The following HDGFL3 variants were observed in gnomAD, a reference collection of about 807,000 sequenced individuals.
The protein encoded by HDGFL3 is HDGF like 3, also known as hepatoma-derived growth factor-related protein 3.
In HDGFL3, 6 loss-of-function variants were observed where a neutral mutation model predicts 27.6. The ratio of observed to expected loss-of-function variants is 0.22; its 90% confidence interval spans 0.12 to 0.43. HDGFL3 has a LOEUF of 0.43. Among genes scored for constraint, HDGFL3 ranks in the 20% least tolerant of loss-of-function variants. The pLI, the probability that HDGFL3 is intolerant of heterozygous loss-of-function variation, is 1.00. For synonymous variants in HDGFL3, 88 were observed against 88.9 expected (o/e 0.99, Z 0.05); for missense variants, 207 against 250.1 (o/e 0.83, Z 1.16).
chr15:83,156,503 T>C (rs968598588), intron 4 of HDGFL3, among the ~76,000 whole-genome samples: 6 of 152,136 alleles, frequency 3.9e-5, no homozygotes, highest in Admixed American at 2.6e-4. Context: ...ACTGAATAAA[T>C]AAACAGCCAA....
downstream of HDGFL3, chr15:83,122,770 A>T (rs1441142163): frequency 6.2e-7 from 1 of 1,613,826 alleles, no homozygotes; most frequent in Non-Finnish European, 8.5e-7. Context: ...AGTATGGAAC[A>T]CGAATTTGCC....
intron 2 of HDGFL3, among the ~76,000 whole-genome samples, chr15:83,160,334 A>G (rs921974712): frequency 6.6e-6 from 1 of 151,968 alleles, no homozygotes; most frequent in Non-Finnish European, 1.5e-5. Flanking sequence ...TTATAGGCAC[A>G]TGCCACCATA....
chr15:83,119,078 G>A (rs1282642552), intron 3 of HDGFL3, among the ~76,000 whole-genome samples: 2 of 152,170 alleles, frequency 1.3e-5, no homozygotes, highest in Non-Finnish European at 2.9e-5. Flanking sequence ...GTGAAGCTCC[G>A]AGTTCGGTGC....
chr15:83,136,323 A>G lies in HDGFL3; in HGVS notation c.*2947T>C. 2.1e-6 allele frequency: 1 copy of G among 481,550 alleles called. No homozygotes were observed. Among genetic ancestry groups the G allele is most frequent in the Non-Finnish European group, 3.6e-6 (1 of 275,996 alleles). The allele number at this position is 481,550 out of a possible 1,614,324, so 29.8% of individuals were successfully genotyped here. A position where few individuals can be genotyped will look rare whatever the true frequency, so the allele number is the denominator to read the frequency against. ...GGACTAAATTTAATGAAAGACTCTG[A>G]CATTAAAGACTCTGGATTGTTTGAA... On this transcript the variant is annotated 3_prime_UTR_variant, in exon 6 of 6. Coordinates refer to ENST00000299633, the MANE Select transcript of HDGFL3 (RefSeq NM_016073.4).
At chr15:83,125,465 C>T (rs1185222403), downstream of HDGFL3, among the ~76,000 whole-genome samples, 1 of 152,164 alleles carries the variant, frequency 6.6e-6, no homozygotes, top group Non-Finnish European at 1.5e-5. Context: ...CTGTTTTCCT[C>T]TCTGTAAAAT....
Position 83,135,496 on chromosome 15 carries a change from T to C in HDGFL3, c.*3774A>G, listed in dbSNP as rs1035136558. On this transcript the variant is annotated 3_prime_UTR_variant, in exon 6 of 6. Transcript: ENST00000299633. ...TCCTTTATTCATGTGTATCTTGAAT[T>C]TCAGCAAGATATGAAAATGCAGACT... 9 of 152,222 alleles carry C rather than the reference T, an allele frequency of 5.9e-5. No homozygotes were observed. The allele number at this position is 152,222 out of a possible 1,614,324, so 9.4% of individuals were successfully genotyped here.
chr15:83,156,070 A>T (rs796354551), intron 4 of HDGFL3, among the ~76,000 whole-genome samples: 7 of 152,192 alleles, frequency 4.6e-5, no homozygotes, highest in African/African-American at 1.7e-4. Context: ...ATTATGGCCT[A>T]CAAGTCTGCA....
Position 83,115,915 on chromosome 15 carries a change from C to T in HDGFL3, c.394-174G>A, listed in dbSNP as rs148388166. 7.7e-5 allele frequency: 124 copies of T among 1,614,002 alleles called. No individual in the cohort carries two copies. The African/African-American group carries it at 1.0e-3, about 13-fold the overall frequency. On this transcript the variant is annotated intron_variant, in intron 3 of 3. Transcript: ENST00000568294. ...GACTGGAGCAAGATGGAATCATTGACGGGTTCATGACACACTACTTGAGAG... is the reference window on the plus strand; with the variant it reads ...GACTGGAGCAAGATGGAATCATTGATGGGTTCATGACACACTACTTGAGAG...
intron 1 of HDGFL3, among the ~76,000 whole-genome samples, chr15:83,182,714 C>T (rs1033236385): frequency 6.6e-6 from 1 of 152,096 alleles, no homozygotes; most frequent in African/African-American, 2.4e-5. Flanking sequence ...AAATTTAACA[C>T]TTAAGATCTA....
chr15:83,153,765 G>A (rs950376373), intron 4 of HDGFL3, among the ~76,000 whole-genome samples: 1 of 152,112 alleles, frequency 6.6e-6, no homozygotes, highest in African/African-American at 2.4e-5. Flanking sequence ...TGATTTTCCA[G>A]TATCTGCTAT....
Position 83,207,313 on chromosome 15 carries a change from C to G in HDGFL3, c.84+18G>C. The G allele has an allele frequency of 7.5e-7, 1 of 1,339,708 alleles. No individual in the cohort carries two copies. The highest frequency in any genetic ancestry group is 9.6e-7 in the Non-Finnish European group (1 of 1,039,708). 83.0% of individuals were successfully genotyped at this position (1,339,708 alleles called of 1,614,324 possible). A position where few individuals can be genotyped will look rare whatever the true frequency, so the allele number is the denominator to read the frequency against. Reference sequence around the variant, plus strand: ...AAAATGGTGGGCGGGCGGGCCCGCGCGCGGCCGCGGTACTCACCCGGGCCG... The same window carrying G: ...AAAATGGTGGGCGGGCGGGCCCGCGGGCGGCCGCGGTACTCACCCGGGCCG... On this transcript the variant is annotated intron_variant, in intron 1 of 5. Transcript: ENST00000299633. This position sits in a 1 kb window ranked among gnomAD's most constrained non-coding sequence, Gnocchi z 4.8.
intron 3 of HDGFL3, chr15:83,119,535 C>T (rs1410326674): frequency 6.2e-7 from 1 of 1,601,100 alleles, no homozygotes; most frequent in South Asian, 1.1e-5. Flanking sequence ...TCTGCATTTA[C>T]AGGTCTTATT....
downstream of HDGFL3, among the ~76,000 whole-genome samples, chr15:83,124,053 TTAAGTA>T (rs775109634): frequency 7.9e-5 from 12 of 152,314 alleles, no homozygotes; most frequent in South Asian, 2.1e-4. Context: ...CATCATTACA[TTAAGTA>T]TAACAGTGAA....
At chr15:83,166,385 T>C (rs2037172150) in intron 1 of HDGFL3, among the ~76,000 whole-genome samples, 1 of 151,700 alleles carries the variant, frequency 6.6e-6, no homozygotes, top group African/African-American at 2.4e-5. Flanking sequence ...AAAGGAGAAA[T>C]AAAATATTTT....
At chr15:83,116,485 G>A (rs1182553380) in intron 3 of HDGFL3, among the ~76,000 whole-genome samples, 1 of 152,230 alleles carries the variant, frequency 6.6e-6, no homozygotes, top group African/African-American at 2.4e-5. Context: ...TATTCAAGGT[G>A]ACACAGGAAA....
chr15:83,202,635 T>C (rs1178797175), intron 1 of HDGFL3, among the ~76,000 whole-genome samples: 3 of 152,148 alleles, frequency 2.0e-5, no homozygotes, highest in Non-Finnish European at 2.9e-5. Context: ...CCCTAACTCA[T>C]ATAAAATGTG....
At chr15:83,140,627 G>T (rs1184986918) in intron 5 of HDGFL3, among the ~76,000 whole-genome samples, 1 of 151,888 alleles carries the variant, frequency 6.6e-6, no homozygotes, top group Non-Finnish European at 1.5e-5. Context: ...GATTACAGGT[G>T]TGTGCTACCA....
intron 5 of HDGFL3, among the ~76,000 whole-genome samples, chr15:83,150,165 C>G (rs1438572320): frequency 6.6e-6 from 1 of 152,078 alleles, no homozygotes; most frequent in Non-Finnish European, 1.5e-5. Flanking sequence ...AGAAGTGCAT[C>G]TAGAAATAAG....
chr15:83,196,906 G>T (rs2037576789), intron 1 of HDGFL3, among the ~76,000 whole-genome samples: 1 of 152,180 alleles, frequency 6.6e-6, no homozygotes, highest in South Asian at 2.1e-4. Flanking sequence ...AGGGGGAAAG[G>T]CTGGAAGAGA....
Sources: gnomAD v4.1 joint callset for allele counts (sites outside exome capture counted in the v4.1 genomes callset) on GRCh38, gnomAD v4.1.1 for gene constraint, Gnocchi (gnomAD v3.1) non-coding constraint, MANE v1.5 for transcripts, NCBI Gene and HGNC (gene_info 2026-07-23, HGNC 2026-07-21) for gene names.